The following SCARB2 variants were observed in gnomAD, a reference collection of about 807,000 sequenced individuals.
SCARB2 encodes the protein lysosome membrane protein 2.
In SCARB2, 29 loss-of-function variants were observed where a neutral mutation model predicts 58.6. The ratio of observed to expected loss-of-function variants is 0.49; its 90% CI spans 0.37 to 0.67. The LOEUF (loss-of-function observed/expected upper bound fraction) is 0.67. Ranked by LOEUF, SCARB2 falls within the 30% of genes least tolerant of loss-of-function variation. The pLI, the probability that SCARB2 is intolerant of heterozygous loss-of-function variation, is 0.00. For synonymous variants in SCARB2, 195 were observed against 210.1 expected (o/e 0.93, Z 0.62); for missense variants, 488 against 578.5 (o/e 0.84, Z 1.60).
At chr4:76,166,199 A>AT (rs1348612762) in intron 10 of SCARB2, 51 bp downstream of exon 10, 2 of 1,566,798 alleles carry the variant, frequency 1.3e-6, no homozygotes, top group Non-Finnish European at 8.8e-7. Context: ...ATCATAATGG[A>AT]TTTTTTCTGA....
chr4:76,200,050 G>A (rs149094066), intron 1 of SCARB2, among the ~76,000 whole-genome samples: 2,102 of 152,268 alleles, frequency 0.014, 28 homozygotes, highest in South Asian at 0.034. Flanking sequence ...CCTCAAGACC[G>A]CGGACTGTCT....
intron 1 of SCARB2, among the ~76,000 whole-genome samples, chr4:76,203,672 T>C (rs1274889631): frequency 3.3e-5 from 5 of 152,176 alleles, no homozygotes; most frequent in Admixed American, 3.3e-4. Context: ...GTAGTGAACA[T>C]GGAGTCGCTG....
chr4:76,178,878 G>C (rs1173852042), intron 4 of SCARB2, among the ~76,000 whole-genome samples: 2 of 152,128 alleles, frequency 1.3e-5, no homozygotes, highest in Non-Finnish European at 2.9e-5. Flanking sequence ...CATGAAGAGG[G>C]TAAGACTCTT....
chr4:76,188,747 T>A (rs1052670026), intron 2 of SCARB2, among the ~76,000 whole-genome samples: 2 of 152,230 alleles, frequency 1.3e-5, no homozygotes, highest in Non-Finnish European at 2.9e-5. Flanking sequence ...ATCCAGTGAA[T>A]GACCGCAAAA....
intron 1 of SCARB2, among the ~76,000 whole-genome samples, chr4:76,200,064 A>T (rs559954958): frequency 1.3e-5 from 2 of 152,326 alleles, no homozygotes; most frequent in Admixed American, 6.5e-5. Context: ...ACTGTCTGGC[A>T]CAGGAAGTTA....
chr4:76,191,047 CCAT>C (rs1167239326), intron 2 of SCARB2, among the ~76,000 whole-genome samples: 2 of 152,090 alleles, frequency 1.3e-5, no homozygotes, highest in African/African-American at 4.8e-5. Context: ...TGCAGAGTCT[CCAT>C]CACATCTTAA....
intron 1 of SCARB2, among the ~76,000 whole-genome samples, chr4:76,201,273 G>T (rs1323950030): frequency 1.3e-5 from 2 of 152,058 alleles, no homozygotes; most frequent in Non-Finnish European, 2.9e-5. Context: ...CTCTCAGAAG[G>T]CCCCTCTGAA....
intron 7 of SCARB2, 187 bp downstream of exon 7, chr4:76,173,957 A>C (rs922029512): frequency 1.7e-4 from 112 of 675,176 alleles, no homozygotes; most frequent in Non-Finnish European, 1.5e-4. Flanking sequence ...TTTTAGAGAC[A>C]GTGGTCTCGC....
At chr4:76,176,649 T>C in intron 4 of SCARB2, 121 bp from the exon 5 acceptor site, 1 of 697,548 alleles carries the variant, frequency 1.4e-6, no homozygotes, top group Non-Finnish European at 2.5e-6. Context: ...GAAGGTATTT[T>C]GTAGGTGTGA....
intron 4 of SCARB2, chr4:76,179,059 T>TTTTTGTTTTTG (rs1732324474): frequency 9.3e-6 from 1 of 107,274 alleles, no homozygotes; most frequent in African/African-American, 6.8e-5. Flanking sequence ...TTTTGTTTTT[T>TTTTTGTTTTTG]TTTTGGCTTT....
At chr4:76,181,372 C>T (rs1732381074) in intron 2 of SCARB2, among the ~76,000 whole-genome samples, 4 of 152,058 alleles carry the variant, frequency 2.6e-5, no homozygotes, top group East Asian at 1.9e-4. Context: ...TCACCTTGAC[C>T]GGGAATCAAA....
At chr4:76,179,347 C>T (rs1732330556) in intron 4 of SCARB2, 170 bp downstream of exon 4, 6 of 620,546 alleles carry the variant, frequency 9.7e-6, no homozygotes, top group African/African-American at 1.8e-5. Context: ...AGCCACCGCA[C>T]CCGGCCTCAA....
intron 2 of SCARB2, among the ~76,000 whole-genome samples, chr4:76,189,035 C>T (rs1436915856): frequency 1.3e-5 from 2 of 152,166 alleles, no homozygotes; most frequent in African/African-American, 2.4e-5. Flanking sequence ...CTTTTAAATA[C>T]TTTTTAATAA....
At chr4:76,217,086 C>T (rs1336729397), upstream of SCARB2, among the ~76,000 whole-genome samples, 1 of 152,214 alleles carries the variant, frequency 6.6e-6, no homozygotes, top group Non-Finnish European at 1.5e-5. Context: ...CATTTCTGAT[C>T]TATAGGACAT....
chr4:76,206,740 C>T (rs17001645), intron 1 of SCARB2, among the ~76,000 whole-genome samples: 3,612 of 150,996 alleles, frequency 0.024, 130 homozygotes, highest in African/African-American at 0.083. Context: ...TGAAAATCCC[C>T]GCAGGGCTGA....
Position 76,174,190 on chromosome 4 carries a change from T to G in SCARB2, c.948A>C (p.Gly316=), listed in dbSNP as rs771851582. The G allele has an allele frequency of 6.2e-7, 1 of 1,614,042 alleles. No individual in the cohort carries two copies. Among genetic ancestry groups the G allele is most frequent in the Non-Finnish European group, 8.5e-7 (1 of 1,180,048 alleles). The change falls in exon 7 of 12, where the codon GGA becomes GGC. Residue 316 remains glycine (G), a synonymous_variant. Transcript: ENST00000264896. Reference sequence around the variant, plus strand: ...TCAGAACTCCTGAGCCCAGGCAGTTTCCCTCAGGTATACAGAAGCCGGCAT... The same window carrying G: ...TCAGAACTCCTGAGCCCAGGCAGTTGCCCTCAGGTATACAGAAGCCGGCAT... The part of the protein sequence containing the change: ...SDNAGFCIPE[G]NCLGSGVLNV...
chr4:76,212,046 A>T (rs1443116507), intron 1 of SCARB2, among the ~76,000 whole-genome samples: 1 of 152,174 alleles, frequency 6.6e-6, no homozygotes, highest in Non-Finnish European at 1.5e-5. Flanking sequence ...AACCACGGGG[A>T]AGATCACTCA....
intron 2 of SCARB2, 51 bp downstream of exon 2, chr4:76,195,656 T>G: frequency 5.3e-6 from 8 of 1,523,504 alleles, no homozygotes; most frequent in Non-Finnish European, 7.3e-6. Flanking sequence ...ACTCAGGCCA[T>G]ATTGGGGTCA....
chr4:76,203,133 C>A (rs1186383033), intron 1 of SCARB2, among the ~76,000 whole-genome samples: 1 of 152,118 alleles, frequency 6.6e-6, no homozygotes, highest in Non-Finnish European at 1.5e-5. Flanking sequence ...CACCACTACA[C>A]CCAGCTACTT....
Sources: allele counts gnomAD v4.1 joint callset (sites outside exome capture counted in the v4.1 genomes callset), GRCh38; gene constraint gnomAD v4.1.1; transcripts MANE v1.5; gene names NCBI Gene and HGNC (gene_info 2026-07-23, HGNC 2026-07-21).